The following CFAP20DC variants were observed in gnomAD, a reference collection of about 807,000 sequenced individuals.
CFAP20DC encodes the protein protein CFAP20DC.
A neutral mutation model predicts 101.7 loss-of-function variants in CFAP20DC; 84 were observed. That is an observed-to-expected ratio of 0.83 (90% CI 0.69 to 0.99). The LOEUF (loss-of-function observed/expected upper bound fraction) is 0.99. CFAP20DC is among the 50% of genes least tolerant of loss of function. CFAP20DC has a pLI of 0.00. For synonymous variants in CFAP20DC, 359 were observed against 351.2 expected, an observed-to-expected ratio of 1.02 and a Z score of -0.25; for missense variants, 1,007 against 970.3, an observed-to-expected ratio of 1.04 and a Z score of -0.50.
In CFAP20DC at chr3:58,778,515, T is replaced by C. The variant is rs149795600; in HGVS notation, c.2238-24652A>G. On this transcript the variant is annotated intron_variant, in intron 15 of 16. Coordinates refer to ENST00000482387, the MANE Select transcript of CFAP20DC (RefSeq NM_001394063.1). Reference sequence around the variant, plus strand: ...TACTGCCAACACCAGTGTGGACCACTTGGGTCCCAGAGAGTTGTTCTACCA... The same window carrying C: ...TACTGCCAACACCAGTGTGGACCACCTGGGTCCCAGAGAGTTGTTCTACCA... 7.2e-5 allele frequency among the ~76,000 whole-genome samples: 11 copies of C among 152,334 alleles called. No individual in the cohort carries two copies. The East Asian group carries it at 2.1e-3, about 29-fold the overall frequency.
intron 15 of CFAP20DC, among the ~76,000 whole-genome samples, chr3:58,782,068 T>A (rs909313095): frequency 6.0e-5 from 9 of 150,612 alleles, no homozygotes; most frequent in Non-Finnish European, 1.2e-4. Context: ...ATTAAAAAAA[T>A]TAATATACAA....
chr3:58,748,324 G>T (rs956450385), intron 16 of CFAP20DC, among the ~76,000 whole-genome samples: 4 of 152,164 alleles, frequency 2.6e-5, no homozygotes, highest in African/African-American at 4.8e-5. Flanking sequence ...CCCAATTCCA[G>T]CAAGGAAAGC....
rs78857900 is a variant in CFAP20DC, at chr3:58,987,715, T to C, written c.279-49953A>G. Among the ~76,000 whole-genome samples, 117 of 152,040 alleles carry C rather than the reference T, an allele frequency of 7.7e-4. 1 individual carries two copies. The East Asian group carries it at 0.021, about 27-fold the overall frequency. On this transcript the variant is annotated intron_variant, in intron 4 of 16. Coordinates refer to ENST00000482387, the MANE Select transcript of CFAP20DC (RefSeq NM_001394063.1). ...CTCTCACATAACTCTTATAACTCTATACTATTAAACTGGAAACAAAATGAC... is the reference window on the plus strand; with the variant it reads ...CTCTCACATAACTCTTATAACTCTACACTATTAAACTGGAAACAAAATGAC...
chr3:58,789,136 A>G (rs540032491), intron 15 of CFAP20DC, among the ~76,000 whole-genome samples: 82 of 152,334 alleles, frequency 5.4e-4, no homozygotes, highest in African/African-American at 1.4e-3. Context: ...AAGCAACTTT[A>G]TATAACACCT....
Position 58,863,937 on chromosome 3 carries a change from A to C in CFAP20DC, c.1259-45T>G, listed in dbSNP as rs770963109. On this transcript the variant is annotated intron_variant, in intron 11 of 16. Transcript: ENST00000482387. The surrounding 1 kb of genome is among the most constrained non-coding windows in gnomAD (Gnocchi z 5.9). ...ACAAAAATTAGAGCAGTAATCCATAAAAGTGTTATTTTTATTTATTTATTT... is the reference window on the plus strand; with the variant it reads ...ACAAAAATTAGAGCAGTAATCCATACAAGTGTTATTTTTATTTATTTATTT... The C allele has an allele frequency of 3.3e-6, 5 of 1,514,954 alleles. No homozygotes were observed. The highest frequency in any genetic ancestry group is 4.4e-6 in the Non-Finnish European group (5 of 1,131,578). 93.8% of individuals were successfully genotyped at this position (1,514,954 alleles called of 1,614,324 possible).
chr3:58,856,347 CAGAT>C lies in CFAP20DC; in HGVS notation c.1594-6942_1594-6939del, dbSNP rs372054517. On this transcript the variant is annotated intron_variant, in intron 12 of 16. Transcript: ENST00000482387. ...TGGAGATACTTATCTTTCAGTGTTC[CAGAT>C]AGGGTAAAGAAAAGATGTTTCTTTA... 2.1e-3 allele frequency among the ~76,000 whole-genome samples: 317 copies of C among 150,374 alleles called. 3 individuals carry two copies. The highest frequency in any genetic ancestry group is 7.4e-3 in the African/African-American group (305 of 40,968).
At chr3:58,870,427 C>CT (rs1426949824) in intron 7 of CFAP20DC, 118 bp from the exon 8 acceptor site, 4 of 934,956 alleles carry the variant, frequency 4.3e-6, no homozygotes, top group East Asian at 2.5e-5. Context: ...CCCCTCCCCC[C>CT]TCAGCATGTA....
In CFAP20DC at chr3:58,937,558, T is replaced by G; in HGVS notation, c.393+90A>C. On this transcript the variant is annotated intron_variant, in intron 5 of 16. Transcript: ENST00000482387. ...TCATTTTTTATACCACCATCGTACT[T>G]AACAAAGTACCTCACATATGGAGTC... The G allele has an allele frequency of 1.8e-5, 15 of 821,840 alleles. No homozygotes were observed. In the South Asian group the frequency reaches 2.3e-4, roughly 12 times the overall value. 50.9% of individuals were successfully genotyped at this position (821,840 alleles called of 1,614,324 possible).
At chr3:58,833,849 T>C (rs2076559622) in intron 13 of CFAP20DC, among the ~76,000 whole-genome samples, 2 of 152,196 alleles carry the variant, frequency 1.3e-5, no homozygotes, top group Admixed American at 6.5e-5. Flanking sequence ...TGAGTTTTTG[T>C]TTATCCACAT....
At chr3:58,814,994 T>C (rs1485898038) in intron 14 of CFAP20DC, among the ~76,000 whole-genome samples, 9 of 151,156 alleles carry the variant, frequency 6.0e-5, no homozygotes, top group African/African-American at 2.0e-4. Flanking sequence ...CTTCACAGAA[T>C]TGGAAAAAAC....
intron 14 of CFAP20DC, among the ~76,000 whole-genome samples, chr3:58,824,978 T>C (rs1243782203): frequency 1.3e-5 from 2 of 152,236 alleles, no homozygotes; most frequent in South Asian, 2.1e-4. Context: ...ATGTTAATTA[T>C]TAACCTGAAG....
chr3:58,996,115 T>C (rs929483274), intron 4 of CFAP20DC, among the ~76,000 whole-genome samples: 1 of 151,544 alleles, frequency 6.6e-6, no homozygotes, highest in Non-Finnish European at 1.5e-5. Context: ...AAAAAAAAAG[T>C]GTTTACTTAC....
At chr3:59,034,436 T>C (rs1287484317) in intron 4 of CFAP20DC, among the ~76,000 whole-genome samples, 1 of 152,196 alleles carries the variant, frequency 6.6e-6, no homozygotes, top group Non-Finnish European at 1.5e-5. Context: ...CAGTGTGCTG[T>C]ATTCAGCAGA....
At chr3:58,787,907 T>A (rs974695161) in intron 15 of CFAP20DC, among the ~76,000 whole-genome samples, 2 of 151,610 alleles carry the variant, frequency 1.3e-5, no homozygotes, top group African/African-American at 4.9e-5. Context: ...AAACACTGCA[T>A]GTTCTCACTC....
intron 4 of CFAP20DC, among the ~76,000 whole-genome samples, chr3:59,036,359 C>T (rs1300074341): frequency 6.6e-6 from 1 of 152,120 alleles, no homozygotes. Context: ...GTCAAATTGT[C>T]CCTCTTTGCA....
intron 14 of CFAP20DC, among the ~76,000 whole-genome samples, chr3:58,813,846 T>A (rs767606316): frequency 6.6e-6 from 1 of 151,888 alleles, no homozygotes; most frequent in Non-Finnish European, 1.5e-5. Context: ...AAACAACAGC[T>A]GGGAGAACAG....
chr3:58,842,206 G>A lies in CFAP20DC; in HGVS notation c.1971+6826C>T, dbSNP rs1308344572. 3.3e-5 allele frequency among the ~76,000 whole-genome samples: 5 copies of A among 151,696 alleles called. 1 individual carries two copies. The South Asian group carries it at 6.3e-4, about 19-fold the overall frequency. ...ACAGCTCCGGTCTACAGCTCCCAGCGTGAGCGACGCAGAAGACGGGTGATT... is the reference window on the plus strand; with the variant it reads ...ACAGCTCCGGTCTACAGCTCCCAGCATGAGCGACGCAGAAGACGGGTGATT... On this transcript the variant is annotated intron_variant, in intron 13 of 16. Coordinates refer to ENST00000482387, the MANE Select transcript of CFAP20DC (RefSeq NM_001394063.1).
At chr3:58,953,888 A>G (rs2090385723) in intron 4 of CFAP20DC, 1 of 152,202 alleles carries the variant, frequency 6.6e-6, no homozygotes, top group Non-Finnish European at 1.5e-5. Context: ...TTCATTTTTA[A>G]AAAACACCAT....
At chr3:58,948,842 T>A (rs549387346) in intron 4 of CFAP20DC, among the ~76,000 whole-genome samples, 1 of 152,362 alleles carries the variant, frequency 6.6e-6, no homozygotes, top group Non-Finnish European at 1.5e-5. Context: ...TTCTATTGAT[T>A]GGAATAGTTT....
Sources: gnomAD v4.1 joint callset for allele counts (sites outside exome capture counted in the v4.1 genomes callset) on GRCh38, gnomAD v4.1.1 for gene constraint, Gnocchi (gnomAD v3.1) non-coding constraint, MANE v1.5 for transcripts, NCBI Gene and HGNC (gene_info 2026-07-23, HGNC 2026-07-21) for gene names.